Variants in MAST4 observed in about 807,000 individuals in gnomAD.
The protein encoded by MAST4 is microtubule-associated serine/threonine-protein kinase 4.
MAST4 carries 89 observed loss-of-function variants against 162.7 expected under a neutral mutation model. The observed-to-expected ratio is 0.55, with a 90% CI of 0.46 to 0.65. The LOEUF is 0.65. MAST4 is among the 30% of genes least tolerant of loss of function. MAST4 has a pLI of 0.00. For missense variants in MAST4, 3,153 were observed against 3,374.0 expected (o/e 0.93, Z 1.62); for synonymous variants, 1,479 against 1,361.1 (o/e 1.09, Z -1.91).
At chr5:66,982,577 A>T (rs1748993911) in intron 4 of MAST4, among the ~76,000 whole-genome samples, 1 of 152,190 alleles carries the variant, frequency 6.6e-6, no homozygotes, top group South Asian at 2.1e-4. Context: ...TAAAGAGCTG[A>T]CATTAGAAAC....
rs1581585807 is a variant in MAST4 at position 67,107,759 on chromosome 5, G to A, written c.1357-2339G>A. On this transcript the variant is annotated intron_variant, in intron 10 of 28. Transcript: ENST00000403625. ...GCTTAATGCCTTTTTGAAGTCCTGA[G>A]GCCTAAGACAATTCCAGATGAATGC... 2.0e-5 allele frequency among the ~76,000 whole-genome samples: 3 copies of A among 152,140 alleles called. No individual in the cohort carries two copies. The South Asian group carries it at 6.2e-4, about 31-fold the overall frequency.
chr5:66,851,280 A>T (rs1175797714), intron 3 of MAST4, among the ~76,000 whole-genome samples: 1 of 152,178 alleles, frequency 6.6e-6, no homozygotes, highest in Non-Finnish European at 1.5e-5. Context: ...CTTTGTATCT[A>T]TCTATTCAAA....
At chr5:66,693,539 C>G (rs1749187136) in intron 1 of MAST4, among the ~76,000 whole-genome samples, 1 of 151,878 alleles carries the variant, frequency 6.6e-6, no homozygotes, top group Non-Finnish European at 1.5e-5. Flanking sequence ...ACAAGATGAG[C>G]AAGATGTGAT....
intron 2 of MAST4, among the ~76,000 whole-genome samples, chr5:66,771,197 T>G (rs1370504653): frequency 6.6e-6 from 1 of 152,062 alleles, no homozygotes; most frequent in Non-Finnish European, 1.5e-5. Context: ...TTTTTTTTTT[T>G]TATTTGAGAC....
At chr5:67,031,714 C>A (rs1483633468) in intron 4 of MAST4, among the ~76,000 whole-genome samples, 1 of 152,114 alleles carries the variant, frequency 6.6e-6, no homozygotes, top group Admixed American at 6.6e-5. Flanking sequence ...GTTCCCATAT[C>A]CCTACAATCT....
At position 67,147,565 on chromosome 5, in the gene MAST4, T is replaced by C. The variant is rs950671903; in HGVS notation, c.3095-1824T>C. On this transcript the variant is annotated intron_variant, in intron 23 of 28. Transcript: ENST00000403625. Reference sequence around the variant, plus strand: ...TTGAAGCCATGAAAAATAAACGTCTTGAAGTCTTAGATGTAGGGGTCAAAC... The same window carrying C: ...TTGAAGCCATGAAAAATAAACGTCTCGAAGTCTTAGATGTAGGGGTCAAAC... Among the ~76,000 whole-genome samples, 8 of 152,340 alleles carry C rather than the reference T, an allele frequency of 5.3e-5. No individual in the cohort carries two copies. In the South Asian group the frequency reaches 6.2e-4, roughly 12 times the overall value.
At chr5:66,919,216 T>C (rs1764318986) in intron 4 of MAST4, among the ~76,000 whole-genome samples, 1 of 152,114 alleles carries the variant, frequency 6.6e-6, no homozygotes, top group Non-Finnish European at 1.5e-5. Context: ...TGTATATGAA[T>C]ATTAAAGATG....
chr5:66,689,158 T>G (rs1404110380), intron 1 of MAST4, among the ~76,000 whole-genome samples: 2 of 151,986 alleles, frequency 1.3e-5, no homozygotes, highest in African/African-American at 4.8e-5. Context: ...ATTAAAACAG[T>G]GGGTTACTTT....
At chr5:66,938,130 C>G (rs1264902337) in intron 4 of MAST4, among the ~76,000 whole-genome samples, 1 of 151,958 alleles carries the variant, frequency 6.6e-6, no homozygotes, top group Non-Finnish European at 1.5e-5. Flanking sequence ...TCACCTTTTT[C>G]AATACTTTTA....
intron 2 of MAST4, among the ~76,000 whole-genome samples, chr5:66,776,655 G>A (rs1754614964): frequency 6.6e-6 from 1 of 152,076 alleles, no homozygotes. Flanking sequence ...ATGATCCTTG[G>A]GAGAAATATA....
chr5:67,069,289 T>G (rs926688797), intron 5 of MAST4, among the ~76,000 whole-genome samples: 3 of 129,796 alleles, frequency 2.3e-5, no homozygotes, highest in African/African-American at 9.2e-5. Flanking sequence ...GGAGATTGGA[T>G]ATATATATAT....
chr5:66,816,302 G>T (rs747900620), intron 3 of MAST4, among the ~76,000 whole-genome samples: 1 of 151,570 alleles, frequency 6.6e-6, no homozygotes, highest in African/African-American at 2.4e-5. Context: ...TTCTTCTTCC[G>T]ATGTGGCTTA....
intron 1 of MAST4, among the ~76,000 whole-genome samples, chr5:66,666,997 A>T (rs1747304932): frequency 6.6e-6 from 1 of 152,174 alleles, no homozygotes; most frequent in Non-Finnish European, 1.5e-5. Context: ...CTCTACAGTG[A>T]GAGCTGCAGG....
At chr5:66,708,843 T>TA (rs926020898) in intron 1 of MAST4, among the ~76,000 whole-genome samples, 1 of 152,168 alleles carries the variant, frequency 6.6e-6, no homozygotes, top group African/African-American at 2.4e-5. Context: ...GCAGTGTTTC[T>TA]AAAAATATAA....
At chr5:66,878,628 G>T (rs1580741648) in intron 3 of MAST4, among the ~76,000 whole-genome samples, 1 of 152,226 alleles carries the variant, frequency 6.6e-6, no homozygotes, top group South Asian at 2.1e-4. Flanking sequence ...ATTTCTCAGG[G>T]TTCAAGAGGA....
chr5:66,670,175 A>C (rs1401213529), intron 1 of MAST4, among the ~76,000 whole-genome samples: 1 of 152,164 alleles, frequency 6.6e-6, no homozygotes, highest in Non-Finnish European at 1.5e-5. Context: ...ATGCGTCTTC[A>C]TCTTATTCAA....
chr5:66,703,442 G>T (rs149759425), intron 1 of MAST4, among the ~76,000 whole-genome samples: 5 of 152,176 alleles, frequency 3.3e-5, no homozygotes, highest in African/African-American at 1.2e-4. Context: ...TAGTTGAATC[G>T]GTGGGAGCAT....
chr5:66,724,791 C>A (rs547105469), intron 1 of MAST4, among the ~76,000 whole-genome samples: 116 of 151,942 alleles, frequency 7.6e-4, no homozygotes, highest in African/African-American at 2.7e-3. Context: ...GTATTATAAT[C>A]TTTTATAATA....
At chr5:66,746,182 T>C (rs1752748028) in intron 1 of MAST4, among the ~76,000 whole-genome samples, 2 of 152,196 alleles carry the variant, frequency 1.3e-5, no homozygotes, top group African/African-American at 2.4e-5. Context: ...ATTGCCGCCA[T>C]AGAAACCCTA....
Sources: gnomAD v4.1 joint callset for allele counts (sites outside exome capture counted in the v4.1 genomes callset) on GRCh38, gnomAD v4.1.1 for gene constraint, MANE v1.5 for transcripts, NCBI Gene and HGNC (gene_info 2026-07-23, HGNC 2026-07-21) for gene names.